The following N4BP2 variants were observed in gnomAD, a reference collection of about 807,000 sequenced individuals.
N4BP2 encodes NEDD4-binding protein 2.
Under a neutral mutation model 152.8 loss-of-function variants are expected in N4BP2, and 91 were observed. The observed-to-expected ratio is 0.60, with a 90% CI of 0.50 to 0.71. The LOEUF (loss-of-function observed/expected upper bound fraction) is 0.71, where lower values mean the gene tolerates loss of function less well. Ranked by LOEUF, N4BP2 falls within the 30% of genes least tolerant of loss-of-function variation. The pLI, the probability that N4BP2 is intolerant of heterozygous loss-of-function variation, is 0.00. For synonymous variants in N4BP2, 646 were observed against 705.3 expected, an observed-to-expected ratio of 0.92 and a Z score of 1.33; for missense variants, 1,923 against 2,059.1, an observed-to-expected ratio of 0.93 and a Z score of 1.28.
Position 40,107,587 on chromosome 4 carries a change from T to C in N4BP2, c.1498+563T>C, listed in dbSNP as rs564785386. ...TTTATAGAGACGGGGTTTCCCCGTG[T>C]TGGCCAGGCTGGTCTCGAACTCCTG... On this transcript the variant is annotated intron_variant, in intron 5 of 17. Transcript: ENST00000261435. 2.0e-5 allele frequency among the ~76,000 whole-genome samples: 3 copies of C among 152,254 alleles called. No homozygotes were observed. The East Asian group carries it at 5.8e-4, about 29-fold the overall frequency.
At position 40,129,540 on chromosome 4, in the gene N4BP2, C is replaced by T. The variant is rs193265225; in HGVS notation, c.4528-2261C>T. 1.8e-3 allele frequency among the ~76,000 whole-genome samples: 281 copies of T among 152,116 alleles called. 4 individuals are homozygous for T. Among genetic ancestry groups the T allele is most frequent in the African/African-American group, 6.6e-3 (273 of 41,518 alleles). ...CCACACCTGGCCTTTTCTTGTTTTT[C>T]TGTAGATTGGGTAATATAATAGAAG... On this transcript the variant is annotated intron_variant, in intron 12 of 17. Transcript: ENST00000261435.
At chr4:40,064,483 C>T (rs1420503149) in intron 1 of N4BP2, among the ~76,000 whole-genome samples, 1 of 151,988 alleles carries the variant, frequency 6.6e-6, no homozygotes, top group Non-Finnish European at 1.5e-5. Flanking sequence ...CCATGTTGGT[C>T]AGGCTGGTCT....
the N4BP2 span, among the ~76,000 whole-genome samples, chr4:40,163,546 A>G: frequency 3.5e-4 from 54 of 152,384 alleles, no homozygotes; most frequent in African/African-American, 1.1e-3. Context: ...CCTCACGAAT[A>G]CAGAGAAACA....
In N4BP2 at chr4:40,123,152, G is replaced by A. The variant is rs760097700; in HGVS notation, c.4224G>A (p.Val1408=). 1 of 1,611,958 alleles carries A rather than the reference G, an allele frequency of 6.2e-7. No homozygotes were observed. Among genetic ancestry groups the A allele is most frequent in the South Asian group, 1.1e-5 (1 of 90,960 alleles). The change falls in exon 10 of 18, where the codon GTG becomes GTA. Residue 1408 remains valine, a synonymous_variant. Transcript: ENST00000261435. Reference sequence around the variant, plus strand: ...GGTCTCTAACAGTTGAAGATTGTGTGGTTCATATAGATCTGAATCTGGCGA... The same window carrying A: ...GGTCTCTAACAGTTGAAGATTGTGTAGTTCATATAGATCTGAATCTGGCGA... ...DSGSLTVEDC[V]VHIDLNLAKV...
intron 12 of N4BP2, among the ~76,000 whole-genome samples, chr4:40,130,050 A>T (rs955856138): frequency 1.3e-5 from 2 of 152,004 alleles, no homozygotes; most frequent in Admixed American, 1.3e-4. Flanking sequence ...AAATATTTTA[A>T]TTTATTTTTT....
downstream of N4BP2, among the ~76,000 whole-genome samples, chr4:40,158,534 A>G (rs1434495783): frequency 1.3e-5 from 2 of 152,132 alleles, no homozygotes; most frequent in Non-Finnish European, 2.9e-5. Context: ...GCGGTGGCTT[A>G]TGCTTGTAAT....
chr4:40,102,124 G>C lies in N4BP2; in HGVS notation c.279G>C (p.Lys93Asn). Residue 93 changes from lysine to asparagine, a missense_variant, in exon 4 of 18, where the codon AAG becomes AAC. Transcript: ENST00000261435. ...TAGAATTATCTGCCACTGATACCAA[G>C]ATAGAAGAATCATCTTCACAAAGTT... ...CLLELSATDTKIEESSSQSFV... is the reference protein window; with the variant it reads ...CLLELSATDTNIEESSSQSFV... 1 of 1,612,640 alleles carries C rather than the reference G, an allele frequency of 6.2e-7. No individual in the cohort carries two copies. The highest frequency in any genetic ancestry group is 8.5e-7 in the Non-Finnish European group (1 of 1,179,346).
chr4:40,062,078 C>CTTTT (rs71194968), intron 1 of N4BP2, among the ~76,000 whole-genome samples: 18 of 132,380 alleles, frequency 1.4e-4, no homozygotes, highest in East Asian at 2.2e-4. Context: ...TTTTTGGTTA[C>CTTTT]TTTTTTTTTT....
chr4:40,077,615 G>T (rs1712891531), intron 2 of N4BP2, among the ~76,000 whole-genome samples: 1 of 151,832 alleles, frequency 6.6e-6, no homozygotes, highest in Non-Finnish European at 1.5e-5. Flanking sequence ...CACCACACTC[G>T]ACTAATTTTT....
intron 12 of N4BP2, among the ~76,000 whole-genome samples, chr4:40,130,418 C>G (rs985529852): frequency 6.6e-6 from 1 of 152,142 alleles, no homozygotes; most frequent in African/African-American, 2.4e-5. Context: ...ATATTGTTAC[C>G]TCTTGTGGTT....
At chr4:40,092,419 C>T (rs1398519345) in intron 2 of N4BP2, among the ~76,000 whole-genome samples, 1 of 151,450 alleles carries the variant, frequency 6.6e-6, no homozygotes, top group East Asian at 1.9e-4. Context: ...AATTGTCAAA[C>T]TTTTGTGTGT....
At chr4:40,167,047 T>G in the N4BP2 span, 1 of 152,220 alleles carries the variant, frequency 6.6e-6, no homozygotes, top group African/African-American at 2.4e-5. Flanking sequence ...GTGTACACAT[T>G]ATATGTATTT....
rs145381729 is a variant in N4BP2, at chr4:40,078,818, T to A, written c.-115+5267T>A. 1.2e-4 allele frequency among the ~76,000 whole-genome samples: 18 copies of A among 151,248 alleles called. 1 individual carries two copies. The East Asian group carries it at 3.6e-3, about 30-fold the overall frequency. Reference sequence around the variant, plus strand: ...GCTGGGATTACAGGGATAAGCCACCTACACTTGGCCTCAGAATTAGTATCA... The same window carrying A: ...GCTGGGATTACAGGGATAAGCCACCAACACTTGGCCTCAGAATTAGTATCA... On this transcript the variant is annotated intron_variant, in intron 2 of 17. Coordinates refer to ENST00000261435, the MANE Select transcript of N4BP2 (RefSeq NM_018177.6).
intron 1 of N4BP2, among the ~76,000 whole-genome samples, chr4:40,057,789 C>T (rs969117995): frequency 2.6e-5 from 4 of 151,768 alleles, no homozygotes; most frequent in Non-Finnish European, 5.9e-5. Context: ...TTTTTCCCTC[C>T]GAAAGAGAGC....
chr4:40,142,833 A>G lies in N4BP2; in HGVS notation c.4946A>G (p.Lys1649Arg). ...AAAGAAGCTTATCGGATAGGGAAAAAAAATGTCGCCACCTTTTATGCCCAG... is the reference window on the plus strand; with the variant it reads ...AAAGAAGCTTATCGGATAGGGAAAAGAAATGTCGCCACCTTTTATGCCCAG... ...KAKEAYRIGK[K>R]NVATFYAQQG... The change falls in exon 15 of 18, where the codon AAA becomes AGA. Residue 1649 changes from lysine (K) to arginine (R), a missense_variant. Transcript: ENST00000261435. The G allele has an allele frequency of 6.2e-7, 1 of 1,613,754 alleles. No homozygotes were observed. The highest frequency in any genetic ancestry group is 8.5e-7 in the Non-Finnish European group (1 of 1,179,928).
chr4:40,135,359 T>G (rs1719290652), intron 13 of N4BP2, among the ~76,000 whole-genome samples: 1 of 151,644 alleles, frequency 6.6e-6, no homozygotes, highest in Non-Finnish European at 1.5e-5. Flanking sequence ...TGTTGGACAT[T>G]TGGGTTGGTT....
chr4:40,075,443 G>C (rs1578960185), intron 2 of N4BP2, among the ~76,000 whole-genome samples: 3 of 152,240 alleles, frequency 2.0e-5, no homozygotes, highest in African/African-American at 7.2e-5. Flanking sequence ...CTGTCGCCTA[G>C]GCTGGAGTGC....
At chr4:40,160,430 T>C (rs1721827669), downstream of N4BP2, among the ~76,000 whole-genome samples, 1 of 152,200 alleles carries the variant, frequency 6.6e-6, no homozygotes, top group Non-Finnish European at 1.5e-5. Context: ...GCTAGTGATA[T>C]GTGGTGCAAT....
intron 14 of N4BP2, among the ~76,000 whole-genome samples, chr4:40,140,309 A>T (rs79598633): frequency 0.019 from 2,850 of 152,276 alleles, 99 homozygotes; most frequent in African/African-American, 0.065. Context: ...TCATGGATAG[A>T]TAGATGCAGC....
Sources: allele counts gnomAD v4.1 joint callset (sites outside exome capture counted in the v4.1 genomes callset), GRCh38; gene constraint gnomAD v4.1.1; transcripts MANE v1.5; gene names NCBI Gene and HGNC (gene_info 2026-07-23, HGNC 2026-07-21).